MTUS1: variants seen among roughly 807,000 people sequenced by gnomAD.
MTUS1 encodes the protein microtubule associated scaffold protein 1.
Under a neutral mutation model 120.8 loss-of-function variants are expected in MTUS1, and 109 were observed. The ratio of observed to expected loss-of-function variants is 0.90; its 90% confidence interval spans 0.77 to 1.06. The LOEUF is 1.06. MTUS1 is among the 50% of genes least tolerant of loss of function. MTUS1 has a pLI of 0.00. For synonymous variants in MTUS1, 737 were observed against 550.5 expected (o/e 1.34, Z -4.74); for missense variants, 2,210 against 1,486.3 (o/e 1.49, Z -8.01).
At chr8:17,689,331 C>T (rs1321766104) in intron 6 of MTUS1, among the ~76,000 whole-genome samples, 2 of 152,106 alleles carry the variant, frequency 1.3e-5, no homozygotes, top group Admixed American at 6.5e-5. Context: ...TGGTAGAATT[C>T]GTTGCAATAG....
chr8:17,755,808 C>T lies in MTUS1; in HGVS notation c.-1G>A, dbSNP rs752141335. On this transcript the variant is annotated 5_prime_UTR_variant, in exon 2 of 15. Transcript: ENST00000693296. ...TATCATCTGAATTATCATCAGTCATCCTGAATAGTAACCTTAAACCTCTGC... is the reference window on the plus strand; with the variant it reads ...TATCATCTGAATTATCATCAGTCATTCTGAATAGTAACCTTAAACCTCTGC... 8.7e-6 allele frequency: 14 copies of T among 1,610,424 alleles called. No individual in the cohort carries two copies. Among genetic ancestry groups the T allele is most frequent in the African/African-American group, 5.3e-5 (4 of 74,852 alleles).
intron 1 of MTUS1, among the ~76,000 whole-genome samples, chr8:17,780,656 C>G (rs2050807091): frequency 6.6e-6 from 1 of 152,170 alleles, no homozygotes. Flanking sequence ...ACTATTATCC[C>G]AGGTCCAAGC....
chr8:17,755,992 AC>A (rs1169260363), intron 1 of MTUS1, 31 bp from the exon 2 acceptor site: 1 of 1,366,392 alleles, frequency 7.3e-7, no homozygotes, highest in African/African-American at 1.5e-5. Context: ...AACTCAAGTA[AC>A]TATAAGAAAA....
chr8:17,754,318 G>A lies in MTUS1; in HGVS notation c.1490C>T (p.Thr497Ile). The A allele has an allele frequency of 6.2e-7, 1 of 1,613,928 alleles. No homozygotes were observed. Residue 497 changes from threonine to isoleucine, a missense_variant, in exon 2 of 15, where the codon ACT becomes ATT. Coordinates refer to ENST00000693296, the MANE Select transcript of MTUS1 (RefSeq NM_001363059.2). ...TGGTCTTGGGTAACTTATAATTTCA[G>A]TTTTTCTAACTTTGCAGCCTATTGG... ...NTPIGCKVRK[T>I]EIISYPRPNF...
chr8:17,672,328 AC>A (rs1812201037), intron 8 of MTUS1, among the ~76,000 whole-genome samples: 1 of 151,346 alleles, frequency 6.6e-6, no homozygotes, highest in African/African-American at 2.5e-5. Flanking sequence ...CCTCACACCC[AC>A]CCTTGGGGCA....
intron 7 of MTUS1, among the ~76,000 whole-genome samples, chr8:17,680,484 A>C (rs998838112): frequency 3.4e-5 from 5 of 149,176 alleles, no homozygotes; most frequent in Non-Finnish European, 5.9e-5. Flanking sequence ...AAAAAAAAAA[A>C]AAAAAAAAAA....
intron 5 of MTUS1, among the ~76,000 whole-genome samples, chr8:17,714,329 G>C (rs145986455): frequency 5.9e-4 from 89 of 151,062 alleles, no homozygotes; most frequent in Middle Eastern, 3.4e-3. Context: ...CACACACACA[G>C]AGAGAGAGAG....
intron 3 of MTUS1, among the ~76,000 whole-genome samples, chr8:17,735,594 C>T (rs145135940): frequency 6.6e-6 from 1 of 152,330 alleles, no homozygotes; most frequent in African/African-American, 2.4e-5. Context: ...GCACCCTCAG[C>T]AACCCCAGCA....
chr8:17,740,722 A>G (rs2047258322), intron 3 of MTUS1, among the ~76,000 whole-genome samples: 1 of 152,172 alleles, frequency 6.6e-6, no homozygotes, highest in Non-Finnish European at 1.5e-5. Context: ...AACAACAGAA[A>G]TTTGTTTTCT....
intron 1 of MTUS1, among the ~76,000 whole-genome samples, chr8:17,776,962 T>A (rs2050492077): frequency 6.6e-6 from 1 of 152,262 alleles, no homozygotes; most frequent in Non-Finnish European, 1.5e-5. Flanking sequence ...GATTTCATGA[T>A]ATCTTACTTA....
At chr8:17,793,060 C>CTCTT (rs141789400) in intron 1 of MTUS1, among the ~76,000 whole-genome samples, 6,828 of 152,152 alleles carry the variant, frequency 0.045, 512 homozygotes, top group African/African-American at 0.16. Context: ...ATCTGAATTC[C>CTCTT]TAAGTTGTAC....
intron 8 of MTUS1, among the ~76,000 whole-genome samples, chr8:17,656,751 C>A (rs182826221): frequency 6.0e-4 from 92 of 152,068 alleles, no homozygotes; most frequent in Admixed American, 1.7e-3. Context: ...GAAGCTCACA[C>A]AAGAGCAGGA....
intron 1 of MTUS1, among the ~76,000 whole-genome samples, chr8:17,771,615 T>C (rs1273135686): frequency 1.3e-5 from 2 of 152,198 alleles, no homozygotes; most frequent in African/African-American, 2.4e-5. Flanking sequence ...ACAGATTGTC[T>C]GAATCAGACA....
chr8:17,682,999 G>A (rs543809846), intron 7 of MTUS1, among the ~76,000 whole-genome samples: 3 of 152,198 alleles, frequency 2.0e-5, no homozygotes, highest in African/African-American at 4.8e-5. Context: ...AAGGCTGGGC[G>A]CAGTGGCGCA....
chr8:17,780,849 C>T (rs951005573), intron 1 of MTUS1: 3 of 152,124 alleles, frequency 2.0e-5, no homozygotes, highest in Non-Finnish European at 4.4e-5. Flanking sequence ...ACCCAGTGAC[C>T]TAAGACAATA....
At chr8:17,731,636 C>T (rs1202203956) in intron 3 of MTUS1, among the ~76,000 whole-genome samples, 1 of 151,222 alleles carries the variant, frequency 6.6e-6, no homozygotes, top group Non-Finnish European at 1.5e-5. Context: ...TATTTGACAA[C>T]ATAAAAGTGA....
At chr8:17,723,445 G>A in intron 4 of MTUS1, 1 of 577,162 alleles carries the variant, frequency 1.7e-6, no homozygotes, top group Non-Finnish European at 3.2e-6. Flanking sequence ...TTCAGACGAT[G>A]CACTTTCGAA....
intron 3 of MTUS1, among the ~76,000 whole-genome samples, chr8:17,742,771 G>A (rs1349789671): frequency 7.2e-5 from 11 of 152,212 alleles, no homozygotes; most frequent in Non-Finnish European, 2.9e-5. Context: ...GAGAGGTACA[G>A]AGATCTTCTG....
chr8:17,725,705 C>A (rs113847037), intron 3 of MTUS1, among the ~76,000 whole-genome samples: 27 of 152,164 alleles, frequency 1.8e-4, no homozygotes, highest in African/African-American at 4.6e-4. Context: ...CTACAGCATG[C>A]GGCCCAGCAC....
Sources: allele counts gnomAD v4.1 joint callset (sites outside exome capture counted in the v4.1 genomes callset), GRCh38; gene constraint gnomAD v4.1.1; transcripts MANE v1.5; gene names NCBI Gene and HGNC (gene_info 2026-07-23, HGNC 2026-07-21).